Variants in EPHX1 observed in about 807,000 individuals in gnomAD.
EPHX1 encodes epoxide hydrolase 1, also known as epoxide hydratase.
EPHX1 carries 40 observed loss-of-function variants against 43.2 expected under a neutral mutation model. The observed-to-expected ratio is 0.93, with a 90% CI of 0.72 to 1.21. The LOEUF (loss-of-function observed/expected upper bound fraction) is 1.21, where lower values mean the gene tolerates loss of function less well. EPHX1 is among the 50% of genes most tolerant of loss of function. EPHX1 has a pLI of 0.00. For synonymous variants in EPHX1, 221 were observed against 226.7 expected (o/e 0.98, Z 0.22); for missense variants, 550 against 570.4 (o/e 0.96, Z 0.36).
intron 1 of EPHX1, among the ~76,000 whole-genome samples, chr1:225,826,222 G>C (rs1368290326): frequency 6.6e-6 from 1 of 152,024 alleles, no homozygotes; most frequent in African/African-American, 2.4e-5. Context: ...TCATCACTTT[G>C]GAAAGCCGAG....
intron 2 of EPHX1, among the ~76,000 whole-genome samples, chr1:225,830,342 G>A (rs1667510764): frequency 1.3e-5 from 2 of 152,176 alleles, no homozygotes; most frequent in South Asian, 4.1e-4. Flanking sequence ...TGAAACACTT[G>A]GGAAGAAGCC....
chr1:225,810,726 GAAAATTACAGTC>G (rs1012214954), intron 1 of EPHX1: 7 of 134,604 alleles, frequency 5.2e-5, no homozygotes, highest in African/African-American at 1.7e-4. Flanking sequence ...GTAGGTAAAG[GAAAATTACAGTC>G]AAAGGGGGGT....
At chr1:225,829,301 A>G (rs566780365) in intron 2 of EPHX1, among the ~76,000 whole-genome samples, 1 of 152,256 alleles carries the variant, frequency 6.6e-6, no homozygotes, top group South Asian at 2.1e-4. Flanking sequence ...GAAGGCAGGG[A>G]TGCTACTGGT....
At chr1:225,842,233 G>T in intron 6 of EPHX1, 133 bp from the exon 7 acceptor site, 3 of 735,096 alleles carry the variant, frequency 4.1e-6, no homozygotes, top group Non-Finnish European at 7.4e-6. Flanking sequence ...AGGAGTTAAG[G>T]CAGGCCTGTG....
At chr1:225,833,932 A>C (rs1667785899) in intron 3 of EPHX1, among the ~76,000 whole-genome samples, 1 of 150,560 alleles carries the variant, frequency 6.6e-6, no homozygotes, top group African/African-American at 2.5e-5. Context: ...CCCCGTCTCT[A>C]CTAAAAATAC....
intron 1 of EPHX1, among the ~76,000 whole-genome samples, chr1:225,818,594 G>A (rs547936642): frequency 2.6e-5 from 4 of 152,216 alleles, no homozygotes; most frequent in East Asian, 1.9e-4. Flanking sequence ...CTGAAAGATC[G>A]GGGGGCAGCG....
rs1001703355 is a variant in EPHX1 at position 225,845,439 on chromosome 1, G to A, written c.*92G>A. The A allele has an allele frequency of 4.3e-6, 6 of 1,384,044 alleles. No individual in the cohort carries two copies. The African/African-American group carries it at 5.8e-5, about 13-fold the overall frequency. 85.7% of individuals were successfully genotyped at this position (1,384,044 alleles called of 1,614,324 possible). A position where few individuals can be genotyped will look rare whatever the true frequency, so the allele number is the denominator to read the frequency against. ...TACCCCTTTTCTGAGGAATGAGTTT[G>A]CCTCCGTCCCCTGCCCATGCTGGGA... On this transcript the variant is annotated 3_prime_UTR_variant, in exon 9 of 9. Coordinates refer to ENST00000272167, the MANE Select transcript of EPHX1 (RefSeq NM_001136018.4).
chr1:225,831,876 TCTC>T lies in EPHX1; in HGVS notation c.284_286del (p.Ser95del), dbSNP rs1667624033. 5 of 1,613,978 alleles carry T rather than the reference TCTC, an allele frequency of 3.1e-6. No homozygotes were observed. Among genetic ancestry groups the T allele is most frequent in the African/African-American group, 1.3e-5 (1 of 74,888 alleles). ...AACTCCAACTACCTGAAGAAAGTCA[TCTC>T]CTACTGGCGGAATGAATTTGACTGG... On this transcript the variant is annotated inframe_deletion, in exon 3 of 9. Transcript: ENST00000272167.
intron 5 of EPHX1, among the ~76,000 whole-genome samples, 187 bp downstream of exon 5, chr1:225,839,533 G>A (rs185170010): frequency 2.0e-4 from 31 of 152,212 alleles, no homozygotes; most frequent in Admixed American, 1.5e-3. Context: ...CCAGGGTTGC[G>A]GCTCTGGGTC....
rs12027732 is a variant in EPHX1, at chr1:225,818,033, C to T, written c.-6+7864C>T. On this transcript the variant is annotated intron_variant, in intron 1 of 8. Coordinates refer to ENST00000272167, the MANE Select transcript of EPHX1 (RefSeq NM_001136018.4). ...ACCCAAAACCCTGATATTTGTAGTG[C>T]GCCTAGGATACTGGTTCTCCAGTCT... Among the ~76,000 whole-genome samples, 65 of 152,216 alleles carry T rather than the reference C, an allele frequency of 4.3e-4. No individual in the cohort carries two copies. In the East Asian group the frequency reaches 5.4e-3, roughly 13 times the overall value.
In EPHX1 at chr1:225,845,386, G is replaced by A. The variant is rs1443509091; in HGVS notation, c.*39G>A. 1 of 1,520,520 alleles carries A rather than the reference G, an allele frequency of 6.6e-7. No homozygotes were observed. Among genetic ancestry groups the A allele is most frequent in the South Asian group, 1.2e-5 (1 of 83,830 alleles). The allele number at this position is 1,520,520 out of a possible 1,614,324, so 94.2% of individuals were successfully genotyped here. A position where few individuals can be genotyped will look rare whatever the true frequency, so the allele number is the denominator to read the frequency against. On this transcript the variant is annotated 3_prime_UTR_variant, in exon 9 of 9. Transcript: ENST00000272167. ...CCCCGCCTGCCACCTCCCCCCACAA[G>A]TGCCCTCCAGGCTTTTCTTGGGGAA...
chr1:225,812,433 C>T (rs748445707), intron 1 of EPHX1, among the ~76,000 whole-genome samples: 6 of 152,204 alleles, frequency 3.9e-5, no homozygotes, highest in African/African-American at 1.4e-4. Context: ...AATGAGGGCT[C>T]TGTGGGCAGA....
At chr1:225,826,046 G>A (rs1667218247) in intron 1 of EPHX1, among the ~76,000 whole-genome samples, 1 of 152,186 alleles carries the variant, frequency 6.6e-6, no homozygotes, top group Non-Finnish European at 1.5e-5. Context: ...TTAAATAAGA[G>A]GAACTCATTT....
At chr1:225,825,992 G>A (rs1667214693) in intron 1 of EPHX1, among the ~76,000 whole-genome samples, 1 of 152,174 alleles carries the variant, frequency 6.6e-6, no homozygotes, top group African/African-American at 2.4e-5. Flanking sequence ...ACGTCTTTCT[G>A]GAAATGAAAG....
intron 1 of EPHX1, among the ~76,000 whole-genome samples, chr1:225,822,153 C>G (rs557806028): frequency 6.6e-6 from 1 of 152,240 alleles, no homozygotes; most frequent in Admixed American, 6.5e-5. Context: ...CCATTTCTTA[C>G]AGTAGGAGCC....
chr1:225,815,037 A>T (rs1666655699), intron 1 of EPHX1, among the ~76,000 whole-genome samples: 1 of 152,230 alleles, frequency 6.6e-6, no homozygotes, highest in Non-Finnish European at 1.5e-5. Context: ...TGGCTGTGGC[A>T]GGACCTGTTT....
intron 1 of EPHX1, among the ~76,000 whole-genome samples, chr1:225,824,688 G>T (rs904483854): frequency 1.3e-5 from 2 of 152,216 alleles, no homozygotes; most frequent in African/African-American, 2.4e-5. Context: ...CAGACGGGGG[G>T]GTGTGGAGCC....
At position 225,845,320 on chromosome 1, in the gene EPHX1, G is replaced by A. The variant is rs202036186; in HGVS notation, c.1341G>A (p.Lys447=). 7.4e-6 allele frequency: 12 copies of A among 1,611,772 alleles called. No individual in the cohort carries two copies. In the Admixed American group the frequency reaches 1.3e-4, roughly 18 times the overall value. ...EPELLAQDIR[K]FLSVLERQ ...AGCTGCTCGCCCAGGACATCCGCAA[G>A]TTCCTGTCGGTGCTGGAGCGGCAAT... Residue 447 remains lysine, a synonymous_variant, in exon 9 of 9, where the codon AAG becomes AAA. Coordinates refer to ENST00000272167, the MANE Select transcript of EPHX1 (RefSeq NM_001136018.4).
chr1:225,832,076 T>C, intron 3 of EPHX1, 117 bp downstream of exon 3: 1 of 1,049,796 alleles, frequency 9.5e-7, no homozygotes, highest in Admixed American at 1.9e-5. Flanking sequence ...TATAGGTGAC[T>C]GAGATGTACT....
Sources: allele counts gnomAD v4.1 joint callset (sites outside exome capture counted in the v4.1 genomes callset), GRCh38; gene constraint gnomAD v4.1.1; transcripts MANE v1.5; gene names NCBI Gene and HGNC (gene_info 2026-07-23, HGNC 2026-07-21).